Variants in SUGCT observed in about 807,000 individuals in gnomAD.
The protein encoded by SUGCT is succinyl-CoA:glutarate-CoA transferase, also known as succinyl-CoA:glutarate CoA-transferase.
A neutral mutation model predicts 55.0 loss-of-function variants in SUGCT; 41 were observed. The observed-to-expected ratio is 0.74, with a 90% confidence interval of 0.58 to 0.97. The LOEUF (loss-of-function observed/expected upper bound fraction) is 0.97. Among genes scored for constraint, SUGCT ranks in the 50% least tolerant of loss-of-function variants. The probability of loss-of-function intolerance (pLI) is 0.00; values close to 1 mark genes in which losing one functional copy is unlikely to be tolerated. For synonymous variants in SUGCT, 187 were observed against 200.4 expected (o/e 0.93, Z 0.56); for missense variants, 568 against 547.8 (o/e 1.04, Z -0.37).
intron 1 of SUGCT, among the ~76,000 whole-genome samples, chr7:40,166,838 G>C (rs1026430913): frequency 2.7e-5 from 4 of 148,372 alleles, no homozygotes; most frequent in African/African-American, 7.5e-5. Flanking sequence ...AGTGAGCCGA[G>C]ATTGCGCCAC....
intron 13 of SUGCT, among the ~76,000 whole-genome samples, chr7:40,859,221 G>GTT (rs1794355461): frequency 6.6e-6 from 1 of 152,220 alleles, no homozygotes; most frequent in Non-Finnish European, 1.5e-5. Context: ...TGATAACAAA[G>GTT]GTAAAATTAG....
intron 13 of SUGCT, among the ~76,000 whole-genome samples, chr7:40,821,738 T>C (rs1485763599): frequency 6.6e-6 from 1 of 152,200 alleles, no homozygotes; most frequent in Admixed American, 6.5e-5. Flanking sequence ...TTGATTTTTT[T>C]GAAGGGTTTT....
In SUGCT at chr7:40,274,398, T is replaced by G; in HGVS notation, c.577-115T>G. ...TTATTAACTTTCTTGTGTGTATGTGTCTGCACAGTTAATAGACAATTCTTT... is the reference window on the plus strand; with the variant it reads ...TTATTAACTTTCTTGTGTGTATGTGGCTGCACAGTTAATAGACAATTCTTT... On this transcript the variant is annotated intron_variant, in intron 7 of 13. Transcript: ENST00000335693. 3.4e-5 allele frequency: 36 copies of G among 1,073,096 alleles called. 1 individual carries two copies. In the South Asian group the frequency reaches 5.9e-4, roughly 18 times the overall value. 66.5% of individuals were successfully genotyped at this position (1,073,096 alleles called of 1,614,324 possible). A position where few individuals can be genotyped will look rare whatever the true frequency, so the allele number is the denominator to read the frequency against.
intron 9 of SUGCT, among the ~76,000 whole-genome samples, chr7:40,362,535 T>C (rs1798207759): frequency 6.6e-6 from 1 of 152,206 alleles, no homozygotes; most frequent in Non-Finnish European, 1.5e-5. Flanking sequence ...TGAGTCTGCA[T>C]GCTAGAGAAG....
intron 11 of SUGCT, among the ~76,000 whole-genome samples, chr7:40,483,279 A>T (rs1000030627): frequency 3.3e-5 from 5 of 152,146 alleles, no homozygotes; most frequent in African/African-American, 4.8e-5. Flanking sequence ...TAATGCATGT[A>T]TGGAATGCAC....
the SUGCT span, among the ~76,000 whole-genome samples, chr7:40,983,295 C>G: frequency 1.3e-5 from 2 of 152,164 alleles, no homozygotes; most frequent in Non-Finnish European, 2.9e-5. Context: ...ACATCATTCC[C>G]TTGCTACCCT....
Position 40,245,444 on chromosome 7 carries a change from T to A in SUGCT, c.576+7718T>A, listed in dbSNP as rs1293931237. 2.1e-4 allele frequency among the ~76,000 whole-genome samples: 19 copies of A among 89,692 alleles called. 1 individual carries two copies. The East Asian group carries it at 2.6e-3, about 12-fold the overall frequency. The allele number at this position is 89,692 out of a possible 152,430, so 58.8% of individuals were successfully genotyped here. On this transcript the variant is annotated intron_variant, in intron 7 of 13. Coordinates refer to ENST00000335693, the MANE Select transcript of SUGCT (RefSeq NM_001193313.2). ...ATATATTTTTTTTTTTTTTTTTTTT[T>A]TTTTTTTTTTTTTGAGATGGAGTCT...
intron 6 of SUGCT, among the ~76,000 whole-genome samples, chr7:40,204,113 C>T (rs538645139): frequency 9.2e-4 from 139 of 151,840 alleles, no homozygotes; most frequent in Admixed American, 1.8e-3. Context: ...TTCAGCCTCC[C>T]GTGTAGCTGG....
intron 13 of SUGCT, among the ~76,000 whole-genome samples, chr7:40,757,663 C>A (rs900794363): frequency 4.6e-5 from 7 of 152,070 alleles, no homozygotes; most frequent in African/African-American, 1.7e-4. Flanking sequence ...TATCTCTATG[C>A]AGAATGATCC....
the SUGCT span, among the ~76,000 whole-genome samples, chr7:40,970,704 G>GA: frequency 5.3e-5 from 8 of 152,178 alleles, no homozygotes; most frequent in African/African-American, 1.9e-4. Flanking sequence ...ATTCAACTTG[G>GA]GGAGACATTA....
chr7:40,805,926 T>C (rs999331085), intron 13 of SUGCT, among the ~76,000 whole-genome samples: 2 of 152,144 alleles, frequency 1.3e-5, no homozygotes, highest in Non-Finnish European at 2.9e-5. Flanking sequence ...TAGAGACAAA[T>C]GCCAGGAATA....
rs541163938 is a variant in SUGCT, at chr7:40,533,017, C to A, written c.1089+36631C>A. On this transcript the variant is annotated intron_variant, in intron 12 of 13. Coordinates refer to ENST00000335693, the MANE Select transcript of SUGCT (RefSeq NM_001193313.2). ...ATCCCTTTATAAACCCTTCCTTTTACCCCCAAAATATTTTCAGATGGTGCA... is the reference window on the plus strand; with the variant it reads ...ATCCCTTTATAAACCCTTCCTTTTAACCCCAAAATATTTTCAGATGGTGCA... Among the ~76,000 whole-genome samples, 9 of 152,146 alleles carry A rather than the reference C, an allele frequency of 5.9e-5. No homozygotes were observed. The East Asian group carries it at 1.5e-3, about 26-fold the overall frequency.
At chr7:40,961,554 G>T in the SUGCT span, among the ~76,000 whole-genome samples, 1 of 152,190 alleles carries the variant, frequency 6.6e-6, no homozygotes, top group Non-Finnish European at 1.5e-5. Context: ...TTCTTCATTT[G>T]CTTCAAAAGC....
At chr7:40,568,980 A>G (rs1796292371) in intron 12 of SUGCT, among the ~76,000 whole-genome samples, 1 of 152,210 alleles carries the variant, frequency 6.6e-6, no homozygotes, top group African/African-American at 2.4e-5. Flanking sequence ...TCTGCAAAGC[A>G]TAAATAATAA....
At chr7:40,330,175 G>C (rs1320644329) in intron 9 of SUGCT, among the ~76,000 whole-genome samples, 1 of 152,224 alleles carries the variant, frequency 6.6e-6, no homozygotes, top group African/African-American at 2.4e-5. Context: ...ATTAGCATCA[G>C]CCTCTAAGAT....
chr7:40,280,550 G>A (rs1337812963), intron 8 of SUGCT, among the ~76,000 whole-genome samples: 1 of 152,020 alleles, frequency 6.6e-6, no homozygotes, highest in Non-Finnish European at 1.5e-5. Context: ...AGAATATATT[G>A]TCACTTTTGA....
At chr7:40,322,081 C>T (rs1795785032) in intron 9 of SUGCT, among the ~76,000 whole-genome samples, 1 of 152,168 alleles carries the variant, frequency 6.6e-6, no homozygotes. Context: ...TTCTCCATGT[C>T]CTCACCATCT....
intron 12 of SUGCT, among the ~76,000 whole-genome samples, chr7:40,665,314 C>T (rs1002955197): frequency 6.7e-5 from 10 of 150,266 alleles, no homozygotes; most frequent in Non-Finnish European, 8.9e-5. Context: ...TTGTGGCGTG[C>T]GCCTGCAATC....
chr7:40,931,543 G>T, the SUGCT span, among the ~76,000 whole-genome samples: 4 of 152,080 alleles, frequency 2.6e-5, no homozygotes, highest in East Asian at 3.9e-4. Flanking sequence ...CTGTAAATCT[G>T]TCTGGTCCTG....
Sources: gnomAD v4.1 joint callset for allele counts (sites outside exome capture counted in the v4.1 genomes callset) on GRCh38, gnomAD v4.1.1 for gene constraint, MANE v1.5 for transcripts, NCBI Gene and HGNC (gene_info 2026-07-23, HGNC 2026-07-21) for gene names.